The following TRPM3 variants were observed in gnomAD, a reference collection of about 807,000 sequenced individuals.
The protein encoded by TRPM3 is transient receptor potential cation channel subfamily M member 3.
TRPM3 carries 77 observed loss-of-function variants against 181.2 expected under a neutral mutation model. That is an observed-to-expected ratio of 0.42 (90% CI 0.35 to 0.51). The LOEUF (loss-of-function observed/expected upper bound fraction) is 0.51. TRPM3 is among the 20% of genes least tolerant of loss of function. The probability of loss-of-function intolerance (pLI) is 0.01; values close to 1 mark genes in which losing one functional copy is unlikely to be tolerated. For synonymous variants in TRPM3, 745 were observed against 796.4 expected, an observed-to-expected ratio of 0.94 and a Z score of 1.09; for missense variants, 1,759 against 2,196.7, an observed-to-expected ratio of 0.80 and a Z score of 3.98.
intron 9 of TRPM3, among the ~76,000 whole-genome samples, chr9:70,661,327 A>G (rs7850862): frequency 0.38 from 58,354 of 151,964 alleles, 11,698 homozygotes; most frequent in African/African-American, 0.49. Context: ...CCCACAGCCA[A>G]TGTCACACTA....
Position 71,325,927 on chromosome 9 carries a change from G to T in TRPM3, c.183+120726C>A, listed in dbSNP as rs188299346. Among the ~76,000 whole-genome samples the T allele has an allele frequency of 1.2e-4, 18 of 152,150 alleles. No homozygotes were observed. The East Asian group carries it at 3.5e-3, about 29-fold the overall frequency. On this transcript the variant is annotated intron_variant, in intron 1 of 24. Coordinates refer to the TRPM3 transcript ENST00000357533. ...CACCTAGAGATTTTACAAATTTCTGGGAAGCTTGGGCAGAATCTAGGACTA... is the reference window on the plus strand; with the variant it reads ...CACCTAGAGATTTTACAAATTTCTGTGAAGCTTGGGCAGAATCTAGGACTA...
chr9:71,389,190 C>T (rs1264169894), intron 1 of TRPM3, among the ~76,000 whole-genome samples: 1 of 151,454 alleles, frequency 6.6e-6, no homozygotes, highest in East Asian at 1.9e-4. Flanking sequence ...AGACAATTCT[C>T]AAAAGAAGAT....
intron 1 of TRPM3, among the ~76,000 whole-genome samples, chr9:71,366,628 T>C (rs1220185073): frequency 6.6e-6 from 1 of 152,202 alleles, no homozygotes; most frequent in Non-Finnish European, 1.5e-5. Context: ...ATCTTCCCAA[T>C]CAATCTCCTG....
chr9:70,756,861 C>T (rs550151118), intron 8 of TRPM3, among the ~76,000 whole-genome samples: 2 of 152,268 alleles, frequency 1.3e-5, no homozygotes, highest in South Asian at 2.1e-4. Flanking sequence ...ATATGTAGCA[C>T]TAAATGCCCA....
intron 1 of TRPM3, among the ~76,000 whole-genome samples, chr9:71,079,121 C>T (rs375908086): frequency 6.6e-6 from 1 of 152,122 alleles, no homozygotes; most frequent in Non-Finnish European, 1.5e-5. Flanking sequence ...CTAGCTGTTG[C>T]GTTGAAGATT....
chr9:71,426,260 T>A (rs1284456592), intron 1 of TRPM3, among the ~76,000 whole-genome samples: 2 of 149,850 alleles, frequency 1.3e-5, no homozygotes, highest in Non-Finnish European at 3.0e-5. Context: ...ACTGGGAAAA[T>A]AAATAATCTC....
chr9:71,429,264 A>G (rs1055839565), intron 1 of TRPM3, among the ~76,000 whole-genome samples: 1 of 152,214 alleles, frequency 6.6e-6, no homozygotes, highest in Non-Finnish European at 1.5e-5. Context: ...TAATAAAAGA[A>G]TAAAAGAAGA....
At chr9:71,298,060 G>C (rs2086443971) in intron 1 of TRPM3, among the ~76,000 whole-genome samples, 1 of 151,758 alleles carries the variant, frequency 6.6e-6, no homozygotes, top group African/African-American at 2.4e-5. Context: ...GGGAAGGTGA[G>C]TAGTCCACAG....
chr9:71,297,658 C>T (rs2086404538), intron 1 of TRPM3, among the ~76,000 whole-genome samples: 1 of 152,150 alleles, frequency 6.6e-6, no homozygotes. Flanking sequence ...CCACTGGGTC[C>T]CTCCCACTAC....
At chr9:70,964,052 C>G (rs150885576) in intron 1 of TRPM3, among the ~76,000 whole-genome samples, 113 of 152,188 alleles carry the variant, frequency 7.4e-4, no homozygotes, top group African/African-American at 2.5e-3. Context: ...GACTACAGAT[C>G]AATTTAATGA....
intron 9 of TRPM3, among the ~76,000 whole-genome samples, chr9:70,669,639 G>T (rs1004124733): frequency 1.2e-4 from 19 of 152,150 alleles, no homozygotes; most frequent in Admixed American, 9.8e-4. Context: ...GAGGGCAGGG[G>T]TCAAAATATC....
intron 7 of TRPM3, among the ~76,000 whole-genome samples, chr9:70,769,178 T>C (rs1020762711): frequency 6.6e-6 from 1 of 152,200 alleles, no homozygotes; most frequent in African/African-American, 2.4e-5. Context: ...TCTACTTGCA[T>C]ACAGAATTTA....
chr9:71,303,030 C>T lies in TRPM3; in HGVS notation c.183+143623G>A, dbSNP rs537557295. ...AGACTCTAGGGACACTAGCACTGGG[C>T]GCTCACCAATGCTCAGAGACTAGGC... On this transcript the variant is annotated intron_variant, in intron 1 of 24. Transcript: ENST00000357533. Among the ~76,000 whole-genome samples, 75 of 152,130 alleles carry T rather than the reference C, an allele frequency of 4.9e-4. 1 individual carries two copies. In the East Asian group the frequency reaches 0.014, roughly 29 times the overall value.
intron 1 of TRPM3, among the ~76,000 whole-genome samples, chr9:71,296,764 G>A (rs1353513469): frequency 2.6e-5 from 4 of 152,086 alleles, no homozygotes; most frequent in Admixed American, 2.0e-4. Flanking sequence ...AGACTAGACG[G>A]CGGGGGTTCA....
At chr9:70,929,477 C>A (rs1011308134) in intron 1 of TRPM3, among the ~76,000 whole-genome samples, 1 of 152,136 alleles carries the variant, frequency 6.6e-6, no homozygotes, top group African/African-American at 2.4e-5. Context: ...GCTGGGATTA[C>A]AGGCGTGACC....
At chr9:70,750,239 CT>C (rs1327443996) in intron 8 of TRPM3, among the ~76,000 whole-genome samples, 2 of 152,248 alleles carry the variant, frequency 1.3e-5, no homozygotes, top group East Asian at 3.9e-4. Context: ...AGAAGAGAAT[CT>C]TTTCCCAGAT....
chr9:71,373,597 T>A (rs987929509), intron 1 of TRPM3, among the ~76,000 whole-genome samples: 1 of 152,088 alleles, frequency 6.6e-6, no homozygotes. Flanking sequence ...AATCTCTGAA[T>A]AGACCAATAA....
At chr9:70,813,415 A>G (rs2092343395) in intron 6 of TRPM3, among the ~76,000 whole-genome samples, 1 of 152,194 alleles carries the variant, frequency 6.6e-6, no homozygotes, top group Non-Finnish European at 1.5e-5. Flanking sequence ...ATTAACATAA[A>G]AACAGAAAAC....
intron 1 of TRPM3, among the ~76,000 whole-genome samples, chr9:71,342,535 A>T (rs188947238): frequency 4.9e-4 from 75 of 152,142 alleles, no homozygotes; most frequent in African/African-American, 1.8e-3. Context: ...TGTATTATTA[A>T]GTGAAAAATG....
Sources: allele counts gnomAD v4.1 joint callset (sites outside exome capture counted in the v4.1 genomes callset), GRCh38; gene constraint gnomAD v4.1.1; transcripts MANE v1.5; gene names NCBI Gene and HGNC (gene_info 2026-07-23, HGNC 2026-07-21).